RBFOX1: variants seen among roughly 807,000 people sequenced by gnomAD.
RBFOX1 encodes the protein RNA binding protein fox-1 homolog 1.
RBFOX1 carries 8 observed loss-of-function variants against 57.7 expected under a neutral mutation model. The ratio of observed to expected loss-of-function variants is 0.14; its 90% confidence interval spans 0.08 to 0.25. The LOEUF is 0.25. Ranked by LOEUF, RBFOX1 falls within the 10% of genes least tolerant of loss-of-function variation. The pLI is 1.00. For synonymous variants in RBFOX1, 326 were observed against 222.4 expected (o/e 1.47, Z -4.15); for missense variants, 611 against 548.5 (o/e 1.11, Z -1.14).
At chr16:6,927,639 C>T (rs745894825) in intron 3 of RBFOX1, among the ~76,000 whole-genome samples, 7 of 152,000 alleles carry the variant, frequency 4.6e-5, no homozygotes, top group Non-Finnish European at 1.0e-4. Context: ...ACATCTGCTG[C>T]ATGTTGAATA....
chr16:6,006,926 T>A lies in RBFOX1; in HGVS notation c.351+139591T>A, dbSNP rs149746847. 3.9e-3 allele frequency among the ~76,000 whole-genome samples: 591 copies of A among 152,308 alleles called. 2 individuals carry two copies. Among genetic ancestry groups the A allele is most frequent in the Non-Finnish European group, 6.7e-3 (459 of 68,038 alleles). On this transcript the variant is annotated intron_variant, in intron 4 of 19. Transcript: ENST00000641259. Reference sequence around the variant, plus strand: ...GGTCCGCCTTCTCTCCCCATATTTTTTCTCCCATATCTCTGCCATCCATGT... The same window carrying A: ...GGTCCGCCTTCTCTCCCCATATTTTATCTCCCATATCTCTGCCATCCATGT...
At chr16:7,253,897 C>A (rs2094578563) in intron 4 of RBFOX1, among the ~76,000 whole-genome samples, 1 of 152,140 alleles carries the variant, frequency 6.6e-6, no homozygotes, top group African/African-American at 2.4e-5. Flanking sequence ...TCGTTCATTA[C>A]CTGAATCTGA....
At chr16:6,883,970 A>T (rs2063457133) in intron 3 of RBFOX1, among the ~76,000 whole-genome samples, 4 of 152,078 alleles carry the variant, frequency 2.6e-5, no homozygotes. Flanking sequence ...AGCGCAGAGG[A>T]GATGGGGAGA....
At chr16:7,010,707 T>C (rs1480317778) in intron 3 of RBFOX1, among the ~76,000 whole-genome samples, 4 of 151,958 alleles carry the variant, frequency 2.6e-5, no homozygotes, top group Admixed American at 6.6e-5. Context: ...GGGATTACAC[T>C]TGCATGCCAC....
At chr16:6,972,726 A>T (rs2153572084) in intron 3 of RBFOX1, among the ~76,000 whole-genome samples, 1 of 152,266 alleles carries the variant, frequency 6.6e-6, no homozygotes, top group Non-Finnish European at 1.5e-5. Flanking sequence ...CTCATGCGAA[A>T]GTATAAGTGG....
intron 4 of RBFOX1, among the ~76,000 whole-genome samples, chr16:5,899,249 C>G (rs941442818): frequency 4.6e-5 from 7 of 151,408 alleles, no homozygotes; most frequent in Non-Finnish European, 7.4e-5. Context: ...CAAACACAAT[C>G]TTATCTTTAG....
chr16:6,810,543 T>C (rs556283925), intron 3 of RBFOX1, among the ~76,000 whole-genome samples: 51 of 152,282 alleles, frequency 3.3e-4, no homozygotes, highest in South Asian at 8.3e-4. Context: ...TCTTTTTTTT[T>C]CCTTAAGTTA....
intron 3 of RBFOX1, among the ~76,000 whole-genome samples, chr16:5,626,124 C>T (rs767507341): frequency 7.2e-5 from 11 of 152,080 alleles, no homozygotes; most frequent in South Asian, 4.2e-4. Context: ...GGGTGATCTG[C>T]CCGCCTCGGC....
In RBFOX1 at chr16:7,300,264, T is replaced by C. The variant is rs572332375; in HGVS notation, c.28-217883T>C. On this transcript the variant is annotated intron_variant, in intron 4 of 15. Transcript: ENST00000550418. ...TAAACTGTCTAATGTCAGGGACCTT[T>C]GTTTGTCCGGCCCCACTGATGCCGA... is the stretch of plus-strand genomic sequence containing the variant. 8.5e-5 allele frequency among the ~76,000 whole-genome samples: 13 copies of C among 152,280 alleles called. No individual in the cohort carries two copies. The South Asian group carries it at 2.5e-3, about 29-fold the overall frequency.
intron 1 of RBFOX1, among the ~76,000 whole-genome samples, chr16:6,050,487 T>G (rs574379115): frequency 6.6e-6 from 1 of 152,226 alleles, no homozygotes; most frequent in South Asian, 2.1e-4. Context: ...GTTCCATTTC[T>G]TTGGTCATTT....
chr16:6,864,795 A>G (rs989023405), intron 3 of RBFOX1, among the ~76,000 whole-genome samples: 2 of 151,992 alleles, frequency 1.3e-5, no homozygotes, highest in African/African-American at 2.4e-5. Flanking sequence ...TTTAAAAACA[A>G]TAAGGAGAGA....
At chr16:7,527,917 C>G (rs2079064204) in intron 5 of RBFOX1, among the ~76,000 whole-genome samples, 1 of 152,138 alleles carries the variant, frequency 6.6e-6, no homozygotes, top group Non-Finnish European at 1.5e-5. Context: ...TTTCAAGTGC[C>G]AAACTAAAAC....
chr16:7,612,316 A>G (rs1414143599), intron 10 of RBFOX1, among the ~76,000 whole-genome samples: 4 of 89,964 alleles, frequency 4.4e-5, no homozygotes, highest in African/African-American at 8.0e-5. Context: ...GCGAGACTCC[A>G]TCTCAAAAAA....
intron 4 of RBFOX1, among the ~76,000 whole-genome samples, chr16:7,375,112 G>C (rs150520031): frequency 6.6e-6 from 1 of 152,186 alleles, no homozygotes; most frequent in Non-Finnish European, 1.5e-5. Context: ...CATTATGCTA[G>C]CCATTACGCA....
intron 3 of RBFOX1, among the ~76,000 whole-genome samples, chr16:6,659,699 C>G (rs926488231): frequency 1.3e-5 from 2 of 152,122 alleles, no homozygotes; most frequent in Admixed American, 6.6e-5. Context: ...GCTTTCAGCT[C>G]CCACATTGCA....
At chr16:6,619,551 G>C (rs1424932701) in intron 2 of RBFOX1, among the ~76,000 whole-genome samples, 1 of 152,032 alleles carries the variant, frequency 6.6e-6, no homozygotes, top group Non-Finnish European at 1.5e-5. Context: ...GCAAAAATAA[G>C]AAAAATAAGA....
chr16:5,656,542 T>G (rs71390676), intron 3 of RBFOX1, among the ~76,000 whole-genome samples: 23,374 of 152,182 alleles, frequency 0.15, 1,882 homozygotes, highest in East Asian at 0.25. Context: ...CATCACCACA[T>G]CTTACACCAT....
intron 3 of RBFOX1, among the ~76,000 whole-genome samples, chr16:7,047,550 C>G (rs898746455): frequency 3.3e-5 from 5 of 150,586 alleles, no homozygotes; most frequent in African/African-American, 1.2e-4. Context: ...GATTTTAACT[C>G]TTTTAGTTCC....
At chr16:7,450,966 A>G (rs1223813474) in intron 4 of RBFOX1, among the ~76,000 whole-genome samples, 1 of 152,204 alleles carries the variant, frequency 6.6e-6, no homozygotes, top group African/African-American at 2.4e-5. Context: ...CATGAAACAT[A>G]GAAGTGGCTG....
Sources: gnomAD v4.1 joint callset for allele counts (sites outside exome capture counted in the v4.1 genomes callset) on GRCh38, gnomAD v4.1.1 for gene constraint, MANE v1.5 for transcripts, NCBI Gene and HGNC (gene_info 2026-07-23, HGNC 2026-07-21) for gene names.